The following PSD3 variants were observed in gnomAD, a reference collection of about 807,000 sequenced individuals.
PSD3 encodes pleckstrin and Sec7 domain containing 3.
Under a neutral mutation model 105.5 loss-of-function variants are expected in PSD3, and 49 were observed. The observed-to-expected ratio is 0.46, with a 90% CI of 0.37 to 0.59. The LOEUF is 0.59. Among genes scored for constraint, PSD3 ranks in the 20% least tolerant of loss-of-function variants. The pLI, the probability that PSD3 is intolerant of heterozygous loss-of-function variation, is 0.00. For synonymous variants in PSD3, 557 were observed against 457.8 expected (o/e 1.22, Z -2.77); for missense variants, 1,561 against 1,263.8 (o/e 1.24, Z -3.57).
intron 9 of PSD3, among the ~76,000 whole-genome samples, chr8:18,668,192 G>A (rs950312739): frequency 6.6e-6 from 1 of 152,244 alleles, no homozygotes; most frequent in Non-Finnish European, 1.5e-5. Context: ...AGAGGCCGAG[G>A]GGTTGCGGAG....
intron 1 of PSD3, among the ~76,000 whole-genome samples, chr8:18,998,830 T>TATG (rs1554564189): frequency 6.6e-6 from 1 of 151,492 alleles, no homozygotes; most frequent in Non-Finnish European, 1.5e-5. Flanking sequence ...ACTTTATAGT[T>TATG]ATGATACATA....
intron 9 of PSD3, among the ~76,000 whole-genome samples, chr8:18,674,798 G>A (rs1799980308): frequency 6.6e-6 from 1 of 152,090 alleles, no homozygotes; most frequent in Non-Finnish European, 1.5e-5. Flanking sequence ...TCTGAGGTGG[G>A]GTGTTCAAGA....
chr8:18,980,690 C>T (rs1040936643), intron 1 of PSD3, among the ~76,000 whole-genome samples: 1 of 152,090 alleles, frequency 6.6e-6, no homozygotes, highest in Admixed American at 6.6e-5. Flanking sequence ...AGTTTAGATG[C>T]TATATGCTGC....
chr8:18,967,273 T>G (rs4921975), intron 1 of PSD3, among the ~76,000 whole-genome samples: 109,832 of 151,576 alleles, frequency 0.72, 40,122 homozygotes, highest in Middle Eastern at 0.8. Flanking sequence ...CTCCCGCTTC[T>G]GCCTCCCGAA....
chr8:18,955,318 G>A (rs778815271), intron 1 of PSD3, among the ~76,000 whole-genome samples: 4 of 152,094 alleles, frequency 2.6e-5, no homozygotes, highest in Non-Finnish European at 4.4e-5. Flanking sequence ...ATAGTTCACT[G>A]CAGCCTTGAA....
chr8:18,590,571 T>C (rs534363401), intron 12 of PSD3, among the ~76,000 whole-genome samples: 31 of 152,304 alleles, frequency 2.0e-4, no homozygotes, highest in Non-Finnish European at 3.2e-4. Flanking sequence ...TTTAGAAATA[T>C]GTTTTCAGAA....
rs192268001 is a variant in PSD3 at position 18,879,121 on chromosome 8, T to C, written c.131-6388A>G. Among the ~76,000 whole-genome samples, 46 of 147,594 alleles carry C rather than the reference T, an allele frequency of 3.1e-4. No homozygotes were observed. In the East Asian group the frequency reaches 8.5e-3, roughly 27 times the overall value. On this transcript the variant is annotated intron_variant, in intron 2 of 15. Transcript: ENST00000327040. ...AACTGAACACTGGCCCCAAGAGAAG[T>C]GACCAAAAGATATCAAGGGGCCTCA...
intron 1 of PSD3, among the ~76,000 whole-genome samples, chr8:18,997,926 C>T (rs1225009178): frequency 1.3e-5 from 2 of 152,060 alleles, no homozygotes; most frequent in Admixed American, 6.5e-5. Flanking sequence ...ACTACACACA[C>T]GCACATGCAG....
chr8:19,061,893 G>A (rs1025768005), intron 1 of PSD3, among the ~76,000 whole-genome samples: 2 of 151,426 alleles, frequency 1.3e-5, no homozygotes, highest in South Asian at 4.2e-4. Context: ...CCTTATTTTA[G>A]CTCATCTTCC....
At chr8:18,830,439 A>G in intron 4 of PSD3, among the ~76,000 whole-genome samples, 1 of 152,322 alleles carries the variant, frequency 6.6e-6, no homozygotes, top group Admixed American at 6.5e-5. Flanking sequence ...CCTTACAACA[A>G]GTTTTATACA....
intron 15 of PSD3, among the ~76,000 whole-genome samples, chr8:18,550,752 A>C (rs1285861695): frequency 6.6e-6 from 1 of 152,124 alleles, no homozygotes; most frequent in African/African-American, 2.4e-5. Flanking sequence ...TGTAAGTCAA[A>C]CCATCTTAAG....
At chr8:18,716,480 G>T (rs1239733112) in intron 9 of PSD3, among the ~76,000 whole-genome samples, 1 of 152,182 alleles carries the variant, frequency 6.6e-6, no homozygotes, top group Non-Finnish European at 1.5e-5. Flanking sequence ...GGCTGAGAGT[G>T]GGAATGAGCT....
intron 4 of PSD3, among the ~76,000 whole-genome samples, chr8:18,821,601 A>T (rs528854084): frequency 2.6e-5 from 4 of 152,132 alleles, no homozygotes; most frequent in South Asian, 4.1e-4. Flanking sequence ...TATGGAAATG[A>T]ACAATATTCC....
At chr8:18,559,727 A>C (rs930175699) in intron 14 of PSD3, among the ~76,000 whole-genome samples, 1 of 152,148 alleles carries the variant, frequency 6.6e-6, no homozygotes, top group African/African-American at 2.4e-5. Context: ...GAATATTCAA[A>C]TGTCTCTTTT....
chr8:18,574,978 T>A (rs912476347), intron 13 of PSD3, 150 bp downstream of exon 13: 70 of 750,056 alleles, frequency 9.3e-5, no homozygotes, highest in Non-Finnish European at 1.2e-4. Context: ...ACTCTAATCT[T>A]CTTAGGCAGT....
chr8:18,745,730 G>A (rs1049790687), intron 9 of PSD3, among the ~76,000 whole-genome samples: 3 of 152,264 alleles, frequency 2.0e-5, no homozygotes, highest in East Asian at 1.9e-4. Flanking sequence ...ATATGCAGGC[G>A]TATATTTACA....
At position 18,844,204 on chromosome 8, in the gene PSD3, A is replaced by G. The variant is rs559914959; in HGVS notation, c.1634+23470T>C. Among the ~76,000 whole-genome samples, 4 of 152,336 alleles carry G rather than the reference A, an allele frequency of 2.6e-5. No homozygotes were observed. In the South Asian group the frequency reaches 8.3e-4, roughly 32 times the overall value. On this transcript the variant is annotated intron_variant, in intron 4 of 15. Coordinates refer to ENST00000327040, the MANE Select transcript of PSD3 (RefSeq NM_015310.4). ...AGGATTAAAAACTCCAAGAGTTCTG[A>G]TAATTAGTCTTCAAATACGAAGGTA... is the stretch of plus-strand genomic sequence containing the variant.
chr8:18,869,446 TG>T (rs1319258699), intron 3 of PSD3, among the ~76,000 whole-genome samples: 2 of 152,166 alleles, frequency 1.3e-5, no homozygotes, highest in African/African-American at 2.4e-5. Flanking sequence ...CCCAAAGTGC[TG>T]GGATTACAGG....
At chr8:18,905,166 T>C (rs890805856) in intron 2 of PSD3, among the ~76,000 whole-genome samples, 1 of 152,142 alleles carries the variant, frequency 6.6e-6, no homozygotes, top group Non-Finnish European at 1.5e-5. Context: ...TGCCTCTCCA[T>C]TGGTCAACTC....
Sources: allele counts gnomAD v4.1 joint callset (sites outside exome capture counted in the v4.1 genomes callset), GRCh38; gene constraint gnomAD v4.1.1; transcripts MANE v1.5; gene names NCBI Gene and HGNC (gene_info 2026-07-23, HGNC 2026-07-21).